The following RBM27 variants were observed in gnomAD, a reference collection of about 807,000 sequenced individuals.
RBM27 encodes the protein RNA binding motif protein 27, also known as RNA-binding protein 27.
RBM27 carries 22 observed loss-of-function variants against 135.3 expected under a neutral mutation model. The observed-to-expected ratio is 0.16, with a 90% CI of 0.12 to 0.23. RBM27 has a LOEUF of 0.23. Ranked by LOEUF, RBM27 falls within the 10% of genes least tolerant of loss-of-function variation. The pLI is 1.00. For synonymous variants in RBM27, 481 were observed against 442.4 expected (o/e 1.09, Z -1.10); for missense variants, 1,009 against 1,281.0 (o/e 0.79, Z 3.24).
chr5:146,263,168 G>A (rs530990487), intron 13 of RBM27, among the ~76,000 whole-genome samples: 1 of 152,294 alleles, frequency 6.6e-6, no homozygotes, highest in Admixed American at 6.5e-5. Context: ...ATATGTGTGA[G>A]CCACTGTGCC....
intron 1 of RBM27, among the ~76,000 whole-genome samples, chr5:146,211,059 G>T (rs1255487502): frequency 6.6e-6 from 1 of 152,136 alleles, no homozygotes; most frequent in Non-Finnish European, 1.5e-5. Context: ...GAGCACTTGA[G>T]TCCAGGAGTT....
intron 1 of RBM27, among the ~76,000 whole-genome samples, chr5:146,213,344 C>T (rs2126689918): frequency 6.6e-6 from 1 of 152,236 alleles, no homozygotes; most frequent in South Asian, 2.1e-4. Flanking sequence ...TCAGGTGATC[C>T]ACCCTTGGCC....
intron 9 of RBM27, among the ~76,000 whole-genome samples, chr5:146,252,903 A>T (rs1380446299): frequency 6.6e-6 from 1 of 152,214 alleles, no homozygotes; most frequent in African/African-American, 2.4e-5. Flanking sequence ...TAAAATAATT[A>T]AGTATGAAGC....
rs1756332309 is a variant in RBM27 at position 146,219,081 on chromosome 5, A to G, written c.156A>G (p.Gln52=). ...EKELKAFCAD[Q]LDVFLQKETS... ...AATTAAAAGCCTTTTGTGCTGATCA[A>G]CTTGATGTCTTTTTACAAAAAGGTA... is the stretch of plus-strand genomic sequence containing the variant. The change falls in exon 2 of 21, where the codon CAA becomes CAG. Residue 52 remains glutamine, a synonymous_variant. Coordinates refer to ENST00000265271, the MANE Select transcript of RBM27 (RefSeq NM_018989.2). The G allele has an allele frequency of 5.6e-6, 9 of 1,609,814 alleles. No individual in the cohort carries two copies. The highest frequency in any genetic ancestry group is 1.7e-4 in the Middle Eastern group (1 of 6,040).
At chr5:146,223,813 G>A (rs1440842804) in intron 3 of RBM27, among the ~76,000 whole-genome samples, 1 of 152,154 alleles carries the variant, frequency 6.6e-6, no homozygotes, top group Non-Finnish European at 1.5e-5. Context: ...TAAATATAGA[G>A]AGATTGACTG....
rs574814482 is a variant in RBM27, at chr5:146,270,436, CTT to C, written c.2692-515_2692-514del. On this transcript the variant is annotated intron_variant, in intron 17 of 20. Coordinates refer to ENST00000265271, the MANE Select transcript of RBM27 (RefSeq NM_018989.2). The stretch of plus-strand genomic sequence containing the variant: ...TAATAAAAATGTTTTTTATTGAAAT[CTT>C]TTCTAATTATAGAAAGAATATATAT... Among the ~76,000 whole-genome samples the C allele has an allele frequency of 2.5e-3, 380 of 152,026 alleles. 4 individuals carry two copies. The highest frequency in any genetic ancestry group is 8.8e-3 in the African/African-American group (366 of 41,490).
At chr5:146,277,123 T>C (rs1759124261) in intron 19 of RBM27, among the ~76,000 whole-genome samples, 1 of 152,218 alleles carries the variant, frequency 6.6e-6, no homozygotes, top group Non-Finnish European at 1.5e-5. Flanking sequence ...TGCTGTAATT[T>C]TTTCTCTTAA....
intron 17 of RBM27, among the ~76,000 whole-genome samples, chr5:146,270,106 G>A (rs77479166): frequency 6.6e-6 from 1 of 152,034 alleles, no homozygotes; most frequent in Non-Finnish European, 1.5e-5. Context: ...AAGAAGCCTG[G>A]CCTATTCATA....
intron 14 of RBM27, among the ~76,000 whole-genome samples, chr5:146,264,654 T>TAAAAAAAAAAAAAAAAA (rs35210934): frequency 1.0e-5 from 1 of 97,904 alleles, no homozygotes; most frequent in African/African-American, 3.6e-5. Context: ...CAAAGAGAGC[T>TAAAAAAAAAAAAAAAAA]AAAAAAAAAA....
rs564880502 is a variant in RBM27, at chr5:146,258,432, A to AT, written c.1595-8dup. On this transcript the variant is annotated splice_polypyrimidine_tract_variant and intron_variant, in intron 10 of 20. Coordinates refer to ENST00000265271, the MANE Select transcript of RBM27 (RefSeq NM_018989.2). ...ACTCCTGAAAAACTCAGTAATTTCAATTTTTTTTTCCAACAGCTGCTAACA... is the reference window on the plus strand; with the variant it reads ...ACTCCTGAAAAACTCAGTAATTTCAATTTTTTTTTTCCAACAGCTGCTAACA... 1.3e-3 allele frequency: 1,941 copies of AT among 1,508,266 alleles called. 1 individual carries two copies. Among genetic ancestry groups the AT allele is most frequent in the Admixed American group, 2.1e-3 (99 of 46,052 alleles). 93.4% of individuals were successfully genotyped at this position (1,508,266 alleles called of 1,614,324 possible). A position where few individuals can be genotyped will look rare whatever the true frequency, so the allele number is the denominator to read the frequency against.
chr5:146,221,088 G>T (rs1490576216), intron 2 of RBM27, among the ~76,000 whole-genome samples: 1 of 151,468 alleles, frequency 6.6e-6, no homozygotes, highest in Non-Finnish European at 1.5e-5. Context: ...GGGCATGGTG[G>T]TGGGCGCCTG....
intron 3 of RBM27, among the ~76,000 whole-genome samples, chr5:146,228,065 A>T (rs772917291): frequency 6.6e-6 from 1 of 152,160 alleles, no homozygotes. Context: ...AATTGTTTAT[A>T]CTTTTCCTAC....
chr5:146,242,358 T>C (rs544665737), intron 8 of RBM27, among the ~76,000 whole-genome samples: 1 of 152,398 alleles, frequency 6.6e-6, no homozygotes, highest in South Asian at 2.1e-4. Context: ...GATTGTCTTA[T>C]ATGCTGCATC....
At position 146,288,876 on chromosome 5, in the gene RBM27, G is replaced by T. The variant is rs576058079; in HGVS notation, c.*2846G>T. ...TAAGGTGAAAGGGGTCCTTGGTGATGGATCATTATTTCAAAAAAGAAAAAA... is the reference window on the plus strand; with the variant it reads ...TAAGGTGAAAGGGGTCCTTGGTGATTGATCATTATTTCAAAAAAGAAAAAA... On this transcript the variant is annotated 3_prime_UTR_variant, in exon 21 of 21. Transcript: ENST00000265271. The T allele has an allele frequency of 7.2e-5, 11 of 152,030 alleles. No individual in the cohort carries two copies. Among genetic ancestry groups the T allele is most frequent in the Admixed American group, 6.6e-4 (10 of 15,260 alleles). 9.4% of individuals were successfully genotyped at this position (152,030 alleles called of 1,614,324 possible). A position where few individuals can be genotyped will look rare whatever the true frequency, so the allele number is the denominator to read the frequency against.
intron 19 of RBM27, among the ~76,000 whole-genome samples, chr5:146,275,199 AAT>A (rs1301952601): frequency 6.6e-6 from 1 of 151,382 alleles, no homozygotes. Context: ...GAAATATATA[AAT>A]ATAATTTTAT....
At chr5:146,228,918 C>T (rs754289155) in intron 3 of RBM27, 28 bp from the exon 4 acceptor site, 1 of 1,599,440 alleles carries the variant, frequency 6.3e-7, no homozygotes, top group African/African-American at 1.3e-5. Flanking sequence ...TGGCCCTGCT[C>T]TTACTTCTAC....
rs780359239 is a variant in RBM27, at chr5:146,230,935, T to G, written c.850+18T>G. On this transcript the variant is annotated intron_variant, in intron 6 of 20. Coordinates refer to ENST00000265271, the MANE Select transcript of RBM27 (RefSeq NM_018989.2). ...TTATGATGGTAAAAATCACCACCTT[T>G]TCTCATATTGTGCCCAAAAGTACTA... 8 of 1,612,258 alleles carry G rather than the reference T, an allele frequency of 5.0e-6. No homozygotes were observed. The East Asian group carries it at 1.6e-4, about 31-fold the overall frequency.
intron 3 of RBM27, 135 bp from the exon 4 acceptor site, chr5:146,228,811 C>A: frequency 1.7e-6 from 1 of 588,498 alleles, no homozygotes; most frequent in Non-Finnish European, 3.1e-6. Flanking sequence ...TGGAGTCTCC[C>A]TGTGTTTCCC....
rs1581215175 is a variant in RBM27, at chr5:146,260,605, T to G, written c.1740-140T>G. 2.7e-5 allele frequency: 16 copies of G among 601,386 alleles called. No individual in the cohort carries two copies. In the East Asian group the frequency reaches 2.7e-4, roughly 10 times the overall value. The allele number at this position is 601,386 out of a possible 1,614,324, so 37.3% of individuals were successfully genotyped here. ...GTTTCATATGATTTTGAAGAAGTTT[T>G]CTGGGATTATAGGTGGAGCCACCAT... On this transcript the variant is annotated intron_variant, in intron 11 of 20. Coordinates refer to ENST00000265271, the MANE Select transcript of RBM27 (RefSeq NM_018989.2).
Sources: gnomAD v4.1 joint callset for allele counts (sites outside exome capture counted in the v4.1 genomes callset) on GRCh38, gnomAD v4.1.1 for gene constraint, MANE v1.5 for transcripts, NCBI Gene and HGNC (gene_info 2026-07-23, HGNC 2026-07-21) for gene names.